The following MSI2 variants were observed in gnomAD, a reference collection of about 807,000 sequenced individuals.
MSI2 encodes the protein musashi RNA binding protein 2.
A neutral mutation model predicts 45.6 loss-of-function variants in MSI2; 17 were observed. The ratio of observed to expected loss-of-function variants is 0.37; its 90% confidence interval spans 0.26 to 0.56. The LOEUF is 0.56. Ranked by LOEUF, MSI2 falls within the 20% of genes least tolerant of loss-of-function variation. The probability of loss-of-function intolerance (pLI) is 0.77; values close to 1 mark genes in which losing one functional copy is unlikely to be tolerated. For synonymous variants in MSI2, 156 were observed against 158.2 expected, an observed-to-expected ratio of 0.99 and a Z score of 0.11; for missense variants, 293 against 444.2, an observed-to-expected ratio of 0.66 and a Z score of 3.06.
intron 5 of MSI2, among the ~76,000 whole-genome samples, chr17:57,304,418 ATTT>A (rs143028135): frequency 1.4e-5 from 2 of 138,012 alleles, no homozygotes; most frequent in Admixed American, 7.2e-5. Context: ...ATAAAGAGTA[ATTT>A]TTTTTTTTTT....
Position 57,633,726 on chromosome 17 carries a change from AG to A in MSI2, c.727+6424del, listed in dbSNP as rs149768133. On this transcript the variant is annotated intron_variant, in intron 10 of 13. Transcript: ENST00000284073. ...AGTCATGTATCCCTCCAAGCCCTGAAGATGATGAAAGTGCCTAGTTAGTTGA... is the reference window on the plus strand; with the variant it reads ...AGTCATGTATCCCTCCAAGCCCTGAAATGATGAAAGTGCCTAGTTAGTTGA... 2.4e-4 allele frequency among the ~76,000 whole-genome samples: 37 copies of A among 152,340 alleles called. No homozygotes were observed. In the East Asian group the frequency reaches 7.1e-3, roughly 29 times the overall value.
chr17:57,377,461 G>C (rs2083519401), intron 5 of MSI2, among the ~76,000 whole-genome samples: 2 of 152,224 alleles, frequency 1.3e-5, no homozygotes, highest in South Asian at 4.1e-4. Context: ...CTCTGCCCAG[G>C]TGAGCAGGGA....
Position 57,610,700 on chromosome 17 carries a change from G to A in MSI2, c.538-5270G>A, listed in dbSNP as rs996044695. On this transcript the variant is annotated intron_variant, in intron 8 of 13. Coordinates refer to ENST00000284073, the MANE Select transcript of MSI2 (RefSeq NM_138962.4). Reference sequence around the variant, plus strand: ...AAGGACAAGAGTGTTAGCGACCACAGGGGCCACACTCCCATCAGGCCTTCG... The same window carrying A: ...AAGGACAAGAGTGTTAGCGACCACAAGGGCCACACTCCCATCAGGCCTTCG... 7.5e-5 allele frequency among the ~76,000 whole-genome samples: 7 copies of A among 93,408 alleles called. 2 individuals carry two copies. Among genetic ancestry groups the A allele is most frequent in the East Asian group, 2.7e-4 (1 of 3,710 alleles). 61.3% of individuals were successfully genotyped at this position (93,408 alleles called of 152,430 possible).
At chr17:57,672,291 C>G (rs1488209869) in intron 11 of MSI2, among the ~76,000 whole-genome samples, 1 of 152,174 alleles carries the variant, frequency 6.6e-6, no homozygotes, top group Admixed American at 6.5e-5. Flanking sequence ...TAATATAGAC[C>G]TAAGATGAGC....
intron 5 of MSI2, among the ~76,000 whole-genome samples, chr17:57,389,898 C>T (rs1205162133): frequency 6.6e-6 from 1 of 152,098 alleles, no homozygotes; most frequent in Non-Finnish European, 1.5e-5. Flanking sequence ...TCCTTCTGCT[C>T]TTCTGTGGCT....
At chr17:57,604,175 G>A (rs970982184) in intron 8 of MSI2, among the ~76,000 whole-genome samples, 2 of 152,220 alleles carry the variant, frequency 1.3e-5, no homozygotes, top group African/African-American at 2.4e-5. Flanking sequence ...TCGGCTCTGT[G>A]GTTCCCCTTT....
At chr17:57,435,830 TA>T (rs1217198670) in intron 6 of MSI2, among the ~76,000 whole-genome samples, 11 of 151,944 alleles carry the variant, frequency 7.2e-5, no homozygotes, top group African/African-American at 2.7e-4. Context: ...GTCGGAGGGG[TA>T]GGGGGTAAGC....
At chr17:57,256,989 G>T (rs1906805501) in intron 1 of MSI2, 109 bp from the exon 2 acceptor site, 5 of 1,567,190 alleles carry the variant, frequency 3.2e-6, no homozygotes, top group Admixed American at 3.7e-5. Context: ...CCACCTCCCG[G>T]CTCTCGCTCG....
At position 57,573,578 on chromosome 17, in the gene MSI2, A is replaced by G. The variant is rs1598412207; in HGVS notation, c.455-23290A>G. On this transcript the variant is annotated intron_variant, in intron 7 of 13. Transcript: ENST00000284073. ...GCCCATAGAGTGAGGCTGGGGATCA[A>G]CCCCCATCACTCCAGACCTGCTGAG... Among the ~76,000 whole-genome samples, 3 of 151,952 alleles carry G rather than the reference A, an allele frequency of 2.0e-5. No homozygotes were observed. In the South Asian group the frequency reaches 6.3e-4, roughly 32 times the overall value.
chr17:57,292,593 C>G (rs1350505885), intron 5 of MSI2, among the ~76,000 whole-genome samples: 2 of 152,190 alleles, frequency 1.3e-5, no homozygotes, highest in Non-Finnish European at 2.9e-5. Flanking sequence ...GGTCCCTCAC[C>G]TGTGGATCTC....
the MSI2 span, among the ~76,000 whole-genome samples, chr17:57,692,423 A>G: frequency 6.6e-6 from 1 of 152,196 alleles, no homozygotes; most frequent in Non-Finnish European, 1.5e-5. Context: ...CTTAGGCCCA[A>G]TAGTAATTCA....
At position 57,413,315 on chromosome 17, in the gene MSI2, C is replaced by T. The variant is rs575844955; in HGVS notation, c.405+11844C>T. Among the ~76,000 whole-genome samples, 346 of 152,286 alleles carry T rather than the reference C, an allele frequency of 2.3e-3. 1 individual carries two copies. Among genetic ancestry groups the T allele is most frequent in the African/African-American group, 8.1e-3 (335 of 41,550 alleles). On this transcript the variant is annotated intron_variant, in intron 6 of 13. Transcript: ENST00000284073. ...CTGCATCTTCTGAGCATAAAGACGA[C>T]GATTCAGTTTTATGCAATTTTGGTG...
At chr17:57,374,079 A>T (rs2083458643) in intron 5 of MSI2, among the ~76,000 whole-genome samples, 1 of 152,224 alleles carries the variant, frequency 6.6e-6, no homozygotes, top group South Asian at 2.1e-4. Flanking sequence ...TGCAAGGTAG[A>T]CTGGCAGAGA....
Position 57,461,250 on chromosome 17 carries a change from C to A in MSI2, c.405+59779C>A, listed in dbSNP as rs543661188. Among the ~76,000 whole-genome samples the A allele has an allele frequency of 2.0e-3, 300 of 152,308 alleles. 1 individual carries two copies. Among genetic ancestry groups the A allele is most frequent in the African/African-American group, 6.9e-3 (288 of 41,558 alleles). On this transcript the variant is annotated intron_variant, in intron 6 of 13. Coordinates refer to ENST00000284073, the MANE Select transcript of MSI2 (RefSeq NM_138962.4). ...TTCTCTGGGCTCCACACACAGACAG[C>A]ATTTGGCCTGCTCCCCGAGGGCCAC...
At chr17:57,422,755 A>G (rs1188292368) in intron 6 of MSI2, among the ~76,000 whole-genome samples, 2 of 152,234 alleles carry the variant, frequency 1.3e-5, no homozygotes, top group African/African-American at 2.4e-5. Context: ...GTAAATCACC[A>G]TCATCACTTG....
At chr17:57,299,322 A>G (rs1911244044) in intron 5 of MSI2, among the ~76,000 whole-genome samples, 1 of 152,236 alleles carries the variant, frequency 6.6e-6, no homozygotes, top group Non-Finnish European at 1.5e-5. Flanking sequence ...TTGCATTAAC[A>G]TCTTGGCTGT....
intron 5 of MSI2, among the ~76,000 whole-genome samples, chr17:57,294,974 G>A (rs962177723): frequency 1.3e-5 from 2 of 152,278 alleles, no homozygotes; most frequent in East Asian, 3.9e-4. Flanking sequence ...ATCAGCGGGC[G>A]AAGGATGCTA....
intron 6 of MSI2, among the ~76,000 whole-genome samples, chr17:57,524,115 A>G (rs1043536214): frequency 3.9e-5 from 6 of 152,220 alleles, no homozygotes; most frequent in Non-Finnish European, 8.8e-5. Flanking sequence ...TGTGCCACCC[A>G]TCCTGCATCA....
intron 9 of MSI2, among the ~76,000 whole-genome samples, chr17:57,622,206 C>G (rs1908358935): frequency 6.6e-6 from 1 of 152,050 alleles, no homozygotes; most frequent in South Asian, 2.1e-4. Flanking sequence ...CAAAAACAAA[C>G]AAACAAAAAA....
Sources: allele counts gnomAD v4.1 joint callset (sites outside exome capture counted in the v4.1 genomes callset), GRCh38; gene constraint gnomAD v4.1.1; transcripts MANE v1.5; gene names NCBI Gene and HGNC (gene_info 2026-07-23, HGNC 2026-07-21).